Variants in PFDN2 observed in about 807,000 individuals in gnomAD.
PFDN2 encodes prefoldin subunit 2.
A neutral mutation model predicts 18.3 loss-of-function variants in PFDN2; 7 were observed. That is an observed-to-expected ratio of 0.38 (90% confidence interval 0.22 to 0.72). The LOEUF (loss-of-function observed/expected upper bound fraction) is 0.72, where lower values mean the gene tolerates loss of function less well. Among genes scored for constraint, PFDN2 ranks in the 30% least tolerant of loss-of-function variants. The pLI, the probability that PFDN2 is intolerant of heterozygous loss-of-function variation, is 0.47. For synonymous variants in PFDN2, 76 were observed against 75.0 expected, an observed-to-expected ratio of 1.01 and a Z score of -0.07; for missense variants, 181 against 199.1, an observed-to-expected ratio of 0.91 and a Z score of 0.55.
chr1:161,109,911 G>T (rs551575310), intron 1 of PFDN2, among the ~76,000 whole-genome samples: 3 of 151,696 alleles, frequency 2.0e-5, no homozygotes, highest in Admixed American at 1.3e-4. Context: ...TTAGCTGGGC[G>T]TGGTGGGGGG....
intron 1 of PFDN2, among the ~76,000 whole-genome samples, chr1:161,107,431 A>G (rs1654702851): frequency 6.6e-6 from 1 of 151,574 alleles, no homozygotes; most frequent in Non-Finnish European, 1.5e-5. Flanking sequence ...TCTCAAAAAA[A>G]AAAAAAAAAA....
chr1:161,115,752 C>A (rs1012229408), intron 1 of PFDN2, among the ~76,000 whole-genome samples: 1 of 152,186 alleles, frequency 6.6e-6, no homozygotes, highest in Non-Finnish European at 1.5e-5. Context: ...TTAGTTACTG[C>A]ACCTATTATA....
chr1:161,112,315 T>G (rs1487187610), intron 1 of PFDN2, among the ~76,000 whole-genome samples: 1 of 152,216 alleles, frequency 6.6e-6, no homozygotes, highest in African/African-American at 2.4e-5. Context: ...CACCTAAATG[T>G]CCCATGGATA....
At chr1:161,102,535 G>A (rs1240639669) in intron 1 of PFDN2, among the ~76,000 whole-genome samples, 160 bp from the exon 2 acceptor site, 14 of 152,160 alleles carry the variant, frequency 9.2e-5, no homozygotes. Flanking sequence ...AAATTTTTCT[G>A]GAATTCCATT....
chr1:161,106,953 C>T (rs1654688961), intron 1 of PFDN2, among the ~76,000 whole-genome samples: 1 of 151,898 alleles, frequency 6.6e-6, no homozygotes, highest in Admixed American at 6.6e-5. Flanking sequence ...GGACCATTGG[C>T]ATGTGCCACT....
intron 1 of PFDN2, among the ~76,000 whole-genome samples, chr1:161,102,695 C>T (rs1654592411): frequency 6.6e-6 from 1 of 152,074 alleles, no homozygotes; most frequent in African/African-American, 2.4e-5. Context: ...TGCGGTGGCT[C>T]ACACCTGTAA....
chr1:161,106,325 C>A (rs920281977), intron 1 of PFDN2, among the ~76,000 whole-genome samples: 1 of 152,148 alleles, frequency 6.6e-6, no homozygotes, highest in Non-Finnish European at 1.5e-5. Flanking sequence ...GTAATTATAG[C>A]AACACAAGAA....
At chr1:161,111,704 A>G (rs1478295963) in intron 1 of PFDN2, among the ~76,000 whole-genome samples, 2 of 152,032 alleles carry the variant, frequency 1.3e-5, no homozygotes, top group East Asian at 1.9e-4. Flanking sequence ...TCTCCTTCCT[A>G]TCTCAAGCCT....
chr1:161,105,192 C>G (rs997564166), intron 1 of PFDN2, among the ~76,000 whole-genome samples: 2 of 152,032 alleles, frequency 1.3e-5, no homozygotes, highest in Non-Finnish European at 2.9e-5. Context: ...GATGCCCCAA[C>G]TTTTAACTCC....
intron 1 of PFDN2, among the ~76,000 whole-genome samples, chr1:161,107,578 G>A (rs1343171287): frequency 5.3e-5 from 8 of 152,244 alleles, no homozygotes; most frequent in African/African-American, 1.9e-4. Flanking sequence ...AGTTTGGTAG[G>A]CCAAGGCGGG....
At position 161,117,992 on chromosome 1, in the gene PFDN2, C is replaced by G; in HGVS notation, c.35G>C (p.Ser12Thr). The change falls in exon 1 of 4, where the codon AGC becomes ACC. Residue 12 changes from serine to threonine, a missense_variant. Coordinates refer to ENST00000368010, the MANE Select transcript of PFDN2 (RefSeq NM_012394.4). ...CGCCCCCTTCCCCGCGCCGCTCCCG[C>G]TGCTCTTGCCGGCGCGACCGCTGTT... ...AENSGRAGKSSGSGAGKGAVS... is the reference protein window; with the variant it reads ...AENSGRAGKSTGSGAGKGAVS... 1 of 1,612,770 alleles carries G rather than the reference C, an allele frequency of 6.2e-7. No homozygotes were observed.
chr1:161,114,048 ACTT>A (rs754416896), intron 1 of PFDN2, among the ~76,000 whole-genome samples: 2 of 152,106 alleles, frequency 1.3e-5, no homozygotes, highest in Admixed American at 6.5e-5. Flanking sequence ...CTCTTGTTCT[ACTT>A]CTTTTTTCAC....
chr1:161,112,333 C>T (rs933587330), intron 1 of PFDN2, among the ~76,000 whole-genome samples: 4 of 152,208 alleles, frequency 2.6e-5, no homozygotes, highest in African/African-American at 9.7e-5. Context: ...ATATCTTAAA[C>T]TCATGTTGTT....
At chr1:161,116,453 G>T (rs1323509531) in intron 1 of PFDN2, among the ~76,000 whole-genome samples, 1 of 152,054 alleles carries the variant, frequency 6.6e-6, no homozygotes, top group Admixed American at 6.5e-5. Context: ...GGCAGAGGTT[G>T]CAGTCAGCCG....
At chr1:161,112,055 C>T (rs1007659473) in intron 1 of PFDN2, among the ~76,000 whole-genome samples, 6 of 152,158 alleles carry the variant, frequency 3.9e-5, no homozygotes, top group Non-Finnish European at 5.9e-5. Context: ...AATGGCTTAA[C>T]GTCAGACCAT....
At chr1:161,105,497 G>A (rs1417913619) in intron 1 of PFDN2, among the ~76,000 whole-genome samples, 1 of 150,928 alleles carries the variant, frequency 6.6e-6, no homozygotes, top group Admixed American at 6.6e-5. Flanking sequence ...TTGCTCTGTC[G>A]CCCAGGCTGG....
chr1:161,102,175 G>T lies in PFDN2; in HGVS notation c.165-4C>A. 1 of 1,614,092 alleles carries T rather than the reference G, an allele frequency of 6.2e-7. No homozygotes were observed. The highest frequency in any genetic ancestry group is 8.5e-7 in the Non-Finnish European group (1 of 1,179,982). On this transcript the variant is annotated splice_region_variant and splice_polypyrimidine_tract_variant and intron_variant, in intron 2 of 3. Transcript: ENST00000368010. ...CTTCAGTGTATCGATCACTAGGCTG[G>T]GATAGGAGAACAAGGCAGGACCTGA... is the stretch of plus-strand genomic sequence containing the variant.
At chr1:161,114,564 C>G (rs944602271) in intron 1 of PFDN2, among the ~76,000 whole-genome samples, 2 of 152,160 alleles carry the variant, frequency 1.3e-5, no homozygotes, top group African/African-American at 4.8e-5. Flanking sequence ...AAAACAAAAG[C>G]TAACTAGCAT....
chr1:161,117,383 T>A (rs1654980914), intron 1 of PFDN2, among the ~76,000 whole-genome samples: 1 of 152,228 alleles, frequency 6.6e-6, no homozygotes, highest in South Asian at 2.1e-4. Flanking sequence ...CGCTTCCCGA[T>A]GCTAGGCACT....
Sources: allele counts gnomAD v4.1 joint callset (sites outside exome capture counted in the v4.1 genomes callset), GRCh38; gene constraint gnomAD v4.1.1; transcripts MANE v1.5; gene names NCBI Gene and HGNC (gene_info 2026-07-23, HGNC 2026-07-21).